LPP: variants seen among roughly 807,000 people sequenced by gnomAD.
LPP encodes LIM domain containing preferred translocation partner in lipoma.
LPP carries 38 observed loss-of-function variants against 60.4 expected under a neutral mutation model. The ratio of observed to expected loss-of-function variants is 0.63; its 90% confidence interval spans 0.49 to 0.83. LPP has a LOEUF of 0.83. Among genes scored for constraint, LPP ranks in the 40% least tolerant of loss-of-function variants. The pLI is 0.00. For missense variants in LPP, 902 were observed against 783.6 expected (o/e 1.15, Z -1.80); for synonymous variants, 328 against 290.8 (o/e 1.13, Z -1.30).
chr3:188,380,992 C>T (rs1377899426), intron 3 of LPP, among the ~76,000 whole-genome samples: 1 of 152,206 alleles, frequency 6.6e-6, no homozygotes, highest in Non-Finnish European at 1.5e-5. Flanking sequence ...GGACTCTAAC[C>T]CCAGAGCCTA....
intron 10 of LPP, among the ~76,000 whole-genome samples, chr3:188,870,724 T>C (rs1335594309): frequency 1.3e-5 from 2 of 152,188 alleles, no homozygotes; most frequent in Admixed American, 1.3e-4. Context: ...ATAGACCACC[T>C]GGGATTGTGA....
At chr3:188,354,828 C>CACAG (rs2150862049) in intron 3 of LPP, among the ~76,000 whole-genome samples, 1 of 45,240 alleles carries the variant, frequency 2.2e-5, no homozygotes, top group African/African-American at 8.1e-5. Flanking sequence ...CGCGCACACA[C>CACAG]ACACACAGAC....
At chr3:188,506,947 A>C (rs1335173257) in intron 5 of LPP, among the ~76,000 whole-genome samples, 1 of 151,818 alleles carries the variant, frequency 6.6e-6, no homozygotes, top group South Asian at 2.1e-4. Flanking sequence ...ACAGGCGCCC[A>C]CCACCACACC....
chr3:188,800,021 C>T (rs1319770501), intron 9 of LPP, among the ~76,000 whole-genome samples: 1 of 152,028 alleles, frequency 6.6e-6, no homozygotes, highest in Admixed American at 6.6e-5. Flanking sequence ...CTGCACCTTG[C>T]TTCTTTGTTT....
chr3:188,771,565 AAGAAAGAAAGAAAGAAAGGG>A (rs1276904691), intron 9 of LPP, among the ~76,000 whole-genome samples: 34 of 137,044 alleles, frequency 2.5e-4, no homozygotes, highest in African/African-American at 9.4e-4. Context: ...AAAAAAAAAA[AAGAAAGAAAGAAAGAAAGGG>A]AGAAAGAAAG....
At chr3:188,750,399 G>A (rs112374777) in intron 8 of LPP, among the ~76,000 whole-genome samples, 4 of 152,288 alleles carry the variant, frequency 2.6e-5, no homozygotes, top group African/African-American at 9.6e-5. Context: ...GGGAGGCCGA[G>A]ATGGGTGGAT....
chr3:188,201,683 G>A (rs1161869629), intron 1 of LPP, among the ~76,000 whole-genome samples: 1 of 152,094 alleles, frequency 6.6e-6, no homozygotes, highest in Admixed American at 6.6e-5. Context: ...CTCCAGCCTG[G>A]GTGACAGAGT....
chr3:188,758,711 C>A (rs1486743533), intron 8 of LPP: 1 of 152,174 alleles, frequency 6.6e-6, no homozygotes, highest in African/African-American at 2.4e-5. Flanking sequence ...AGAAGTCTCT[C>A]CATAATGCTC....
At chr3:188,357,035 A>G (rs1309873693) in intron 3 of LPP, among the ~76,000 whole-genome samples, 1 of 152,150 alleles carries the variant, frequency 6.6e-6, no homozygotes, top group East Asian at 1.9e-4. Context: ...CTCCATACAC[A>G]TGCAACTACC....
At chr3:188,628,313 GT>G (rs369184460) in intron 7 of LPP, among the ~76,000 whole-genome samples, 14 of 149,740 alleles carry the variant, frequency 9.3e-5, no homozygotes, top group East Asian at 3.9e-4. Flanking sequence ...ACCAAAAGCT[GT>G]TTTTTTTTGC....
intron 1 of LPP, among the ~76,000 whole-genome samples, chr3:188,184,685 C>CTTTT (rs34173936): frequency 2.4e-5 from 3 of 124,706 alleles, no homozygotes; most frequent in Non-Finnish European, 5.1e-5. Flanking sequence ...CTCCGGTAAA[C>CTTTT]TTTTTTTTTT....
chr3:188,396,005 A>G (rs1305700256), intron 3 of LPP, among the ~76,000 whole-genome samples: 1 of 152,194 alleles, frequency 6.6e-6, no homozygotes, highest in Non-Finnish European at 1.5e-5. Flanking sequence ...AAGCTAATTT[A>G]TAGTAGTTCT....
At chr3:188,670,764 C>T (rs1168640502) in intron 7 of LPP, among the ~76,000 whole-genome samples, 1 of 152,146 alleles carries the variant, frequency 6.6e-6, no homozygotes, top group African/African-American at 2.4e-5. Flanking sequence ...TCCTTTGCCT[C>T]CAAACTGAAA....
intron 6 of LPP, among the ~76,000 whole-genome samples, chr3:188,601,077 T>C (rs1402110420): frequency 6.6e-6 from 1 of 152,142 alleles, no homozygotes; most frequent in Non-Finnish European, 1.5e-5. Context: ...ATTACCATGA[T>C]TGTACAAATA....
chr3:188,195,617 G>A (rs745248), intron 1 of LPP, among the ~76,000 whole-genome samples: 17,723 of 152,176 alleles, frequency 0.12, 1,935 homozygotes, highest in East Asian at 0.52. Flanking sequence ...TGGCTAGTTC[G>A]AACTGAGATG....
intron 3 of LPP, among the ~76,000 whole-genome samples, chr3:188,385,633 T>G (rs529960715): frequency 6.6e-6 from 1 of 152,356 alleles, no homozygotes; most frequent in South Asian, 2.1e-4. Flanking sequence ...TGATTCACTC[T>G]ACAAAGAAGC....
At chr3:188,240,520 T>C (rs1723987405) in intron 2 of LPP, among the ~76,000 whole-genome samples, 1 of 152,190 alleles carries the variant, frequency 6.6e-6, no homozygotes, top group Admixed American at 6.5e-5. Context: ...TGCTTTATTT[T>C]GTAGGGAAGG....
intron 6 of LPP, among the ~76,000 whole-genome samples, chr3:188,598,377 T>C (rs879752831): frequency 6.6e-6 from 1 of 152,008 alleles, no homozygotes; most frequent in Admixed American, 6.6e-5. Flanking sequence ...CATATACGTG[T>C]GTATGTGTTT....
chr3:188,616,098 T>G (rs1341510469), intron 7 of LPP, among the ~76,000 whole-genome samples: 2 of 152,212 alleles, frequency 1.3e-5, no homozygotes, highest in East Asian at 1.9e-4. Context: ...ACATCCCATT[T>G]GTCAATTTTG....
Sources: gnomAD v4.1 joint callset for allele counts (sites outside exome capture counted in the v4.1 genomes callset) on GRCh38, gnomAD v4.1.1 for gene constraint, MANE v1.5 for transcripts, NCBI Gene and HGNC (gene_info 2026-07-23, HGNC 2026-07-21) for gene names.